Variants in LMNB1 observed in about 807,000 individuals in gnomAD.
The protein encoded by LMNB1 is lamin B1, also known as lamin-B1.
LMNB1 carries 23 observed loss-of-function variants against 67.1 expected under a neutral mutation model. That is an observed-to-expected ratio of 0.34 (90% CI 0.25 to 0.49). The LOEUF is 0.49. LMNB1 is among the 20% of genes least tolerant of loss of function. The pLI is 0.99. For missense variants in LMNB1, 634 were observed against 746.5 expected, an observed-to-expected ratio of 0.85 and a Z score of 1.76; for synonymous variants, 281 against 282.9, an observed-to-expected ratio of 0.99 and a Z score of 0.07.
At chr5:126,785,898 T>TC (rs1348733412) in intron 1 of LMNB1, among the ~76,000 whole-genome samples, 7 of 151,558 alleles carry the variant, frequency 4.6e-5, no homozygotes, top group African/African-American at 1.7e-4. Flanking sequence ...CCTGTAATTC[T>TC]AGCTACTTAG....
intron 5 of LMNB1, among the ~76,000 whole-genome samples, chr5:126,818,627 A>G (rs765000055): frequency 6.6e-6 from 1 of 152,230 alleles, no homozygotes; most frequent in Non-Finnish European, 1.5e-5. Flanking sequence ...GACTTTTACC[A>G]AAACCACATC....
At chr5:126,822,742 C>G (rs556355233) in intron 7 of LMNB1, 39 bp from the exon 8 acceptor site, 3 of 1,238,400 alleles carry the variant, frequency 2.4e-6, no homozygotes, top group African/African-American at 3.0e-5. Flanking sequence ...CTTTCTTTAT[C>G]TTTGAAGTAA....
chr5:126,817,219 C>T (rs1751733358), intron 5 of LMNB1, among the ~76,000 whole-genome samples: 1 of 152,170 alleles, frequency 6.6e-6, no homozygotes, highest in African/African-American at 2.4e-5. Context: ...TCAGCTTGGC[C>T]ACTATGTCCC....
intron 9 of LMNB1, among the ~76,000 whole-genome samples, chr5:126,828,434 A>T (rs1162327682): frequency 1.3e-5 from 2 of 152,242 alleles, no homozygotes; most frequent in African/African-American, 2.4e-5. Context: ...AGTAGTAGAT[A>T]TTATGACATG....
At chr5:126,820,474 C>T (rs1283172713) in intron 6 of LMNB1, among the ~76,000 whole-genome samples, 2 of 152,150 alleles carry the variant, frequency 1.3e-5, no homozygotes, top group East Asian at 3.8e-4. Context: ...CTTTGGCTAA[C>T]AGATTGTAAG....
Position 126,804,783 on chromosome 5 carries a change from A to G in LMNB1, c.367A>G (p.Lys123Glu), listed in dbSNP as rs1163524662. The change falls in exon 2 of 11, where the codon AAG (lysine) becomes GAG (glutamate). Residue 123 changes from lysine to glutamate, a missense_variant. Coordinates refer to ENST00000261366, the MANE Select transcript of LMNB1 (RefSeq NM_005573.4). ...EHDQLLLNYA[K>E]KESDLNGAQI... ...TTTTTAAATCTGTTCCAGCTATGCT[A>G]AGAAGGAATCTGATCTTAATGGCGC... 2 of 1,613,756 alleles carry G rather than the reference A, an allele frequency of 1.2e-6. No homozygotes were observed. Among genetic ancestry groups the G allele is most frequent in the Admixed American group, 1.7e-5 (1 of 59,930 alleles).
intron 5 of LMNB1, among the ~76,000 whole-genome samples, chr5:126,816,860 G>C (rs753578392): frequency 7.9e-5 from 12 of 152,170 alleles, no homozygotes; most frequent in South Asian, 2.1e-4. Context: ...CATCACTGGT[G>C]GTGTTTGGTT....
intron 8 of LMNB1, among the ~76,000 whole-genome samples, chr5:126,823,634 T>A (rs902857667): frequency 7.9e-5 from 12 of 152,240 alleles, no homozygotes; most frequent in African/African-American, 2.4e-4. Context: ...TTATATATTC[T>A]TTAAAAAATA....
chr5:126,777,469 C>T lies in LMNB1; in HGVS notation c.-40C>T. The T allele has an allele frequency of 7.7e-7, 1 of 1,297,798 alleles. No individual in the cohort carries two copies. Among genetic ancestry groups the T allele is most frequent in the Non-Finnish European group, 9.7e-7 (1 of 1,027,412 alleles). 80.4% of individuals were successfully genotyped at this position (1,297,798 alleles called of 1,614,324 possible). A position where few individuals can be genotyped will look rare whatever the true frequency, so the allele number is the denominator to read the frequency against. On this transcript the variant is annotated 5_prime_UTR_variant, in exon 1 of 11. Transcript: ENST00000261366. ...TGCCGTCCCCTCCTTATCACGGTCC[C>T]GCTCGCGGCCTCGCCGCCCCGCTGT...
chr5:126,787,546 A>ATTTTTTTTTTTTTTTT (rs142332901), intron 1 of LMNB1, among the ~76,000 whole-genome samples: 3 of 65,566 alleles, frequency 4.6e-5, no homozygotes, highest in African/African-American at 6.6e-5. Context: ...ATATATATAT[A>ATTTTTTTTTTTTTTTT]TTTTTTTTTT....
chr5:126,826,654 T>A (rs564753413), intron 9 of LMNB1, among the ~76,000 whole-genome samples: 1 of 152,286 alleles, frequency 6.6e-6, no homozygotes, highest in East Asian at 1.9e-4. Context: ...ACCTTCCCCA[T>A]TGCCACATAA....
intron 1 of LMNB1, among the ~76,000 whole-genome samples, chr5:126,784,816 C>G (rs887093263): frequency 1.3e-5 from 2 of 151,566 alleles, no homozygotes; most frequent in Non-Finnish European, 2.9e-5. Context: ...CCCTCCACCA[C>G]GCCGGGCTAA....
chr5:126,783,241 CCTT>C (rs1401748511), intron 1 of LMNB1, among the ~76,000 whole-genome samples: 2 of 151,806 alleles, frequency 1.3e-5, no homozygotes, highest in African/African-American at 4.8e-5. Flanking sequence ...AAAAAACAAA[CCTT>C]CATCATCCTG....
chr5:126,793,198 A>C (rs1185654104), intron 1 of LMNB1, among the ~76,000 whole-genome samples: 1 of 152,216 alleles, frequency 6.6e-6, no homozygotes, highest in Admixed American at 6.5e-5. Context: ...AGCACATTGT[A>C]GATGAGTGAC....
At chr5:126,783,839 A>C (rs1005555613) in intron 1 of LMNB1, among the ~76,000 whole-genome samples, 1 of 151,782 alleles carries the variant, frequency 6.6e-6, no homozygotes, top group Non-Finnish European at 1.5e-5. Flanking sequence ...TTATGCCATT[A>C]GTGTAAGTCT....
At chr5:126,789,351 A>G (rs1025423479) in intron 1 of LMNB1, among the ~76,000 whole-genome samples, 1 of 152,174 alleles carries the variant, frequency 6.6e-6, no homozygotes, top group Non-Finnish European at 1.5e-5. Flanking sequence ...CTTCTAGGGT[A>G]AAGACTAAGA....
intron 8 of LMNB1, among the ~76,000 whole-genome samples, chr5:126,824,816 T>C (rs1455396244): frequency 6.6e-6 from 1 of 152,120 alleles, no homozygotes; most frequent in African/African-American, 2.4e-5. Context: ...CAGTAATTCA[T>C]AGATTTTTTT....
Position 126,821,124 on chromosome 5 carries a change from A to T in LMNB1, c.1375A>T (p.Thr459Ser). The T allele has an allele frequency of 6.2e-7, 1 of 1,609,780 alleles. No homozygotes were observed. The highest frequency in any genetic ancestry group is 8.5e-7 in the Non-Finnish European group (1 of 1,176,264). ...VDGKFIRLKN[T>S]SEQDQPMGGW... is the part of the protein sequence containing the mutation. ...TGGGAAATTTATCCGCTTGAAGAAC[A>T]CTTCTGAACAGGTAATAAAATAGAC... Residue 459 changes from threonine to serine, a missense_variant, in exon 7 of 11, where the codon ACT (threonine) becomes TCT (serine). Physicochemically the swap from Thr to Ser is moderately conservative, Grantham distance 58. Coordinates refer to ENST00000261366, the MANE Select transcript of LMNB1 (RefSeq NM_005573.4).
At chr5:126,793,963 C>G (rs1751027898) in intron 1 of LMNB1, among the ~76,000 whole-genome samples, 1 of 151,484 alleles carries the variant, frequency 6.6e-6, no homozygotes, top group Admixed American at 6.6e-5. Context: ...GAGATGGAAT[C>G]TCGCTTTGTT....
Sources: gnomAD v4.1 joint callset for allele counts (sites outside exome capture counted in the v4.1 genomes callset) on GRCh38, gnomAD v4.1.1 for gene constraint, MANE v1.5 for transcripts, NCBI Gene and HGNC (gene_info 2026-07-23, HGNC 2026-07-21) for gene names.